Variants in WWTR1 observed in about 807,000 individuals in gnomAD.
WWTR1 encodes the protein WW domain-containing transcription regulator protein 1.
In WWTR1, 13 loss-of-function variants were observed where a neutral mutation model predicts 40.1. The ratio of observed to expected loss-of-function variants is 0.32; its 90% CI spans 0.21 to 0.52. The LOEUF is 0.52. Among genes scored for constraint, WWTR1 ranks in the 20% least tolerant of loss-of-function variants. The probability of loss-of-function intolerance (pLI) is 0.97; values close to 1 mark genes in which losing one functional copy is unlikely to be tolerated. For synonymous variants in WWTR1, 230 were observed against 210.1 expected (o/e 1.09, Z -0.82); for missense variants, 436 against 523.1 (o/e 0.83, Z 1.63).
At chr3:149,709,890 G>A (rs947853745) in intron 5 of WWTR1, among the ~76,000 whole-genome samples, 3 of 152,074 alleles carry the variant, frequency 2.0e-5, no homozygotes, top group Non-Finnish European at 4.4e-5. Flanking sequence ...GGCAACAAGA[G>A]CGAAACTCTA....
intron 3 of WWTR1, among the ~76,000 whole-genome samples, chr3:149,565,205 T>C (rs1737255258): frequency 1.3e-5 from 2 of 152,012 alleles, no homozygotes; most frequent in African/African-American, 4.8e-5. Flanking sequence ...AATAAATAAA[T>C]AAATTTATTT....
At chr3:149,591,168 G>A (rs752136168) in intron 2 of WWTR1, among the ~76,000 whole-genome samples, 5 of 152,132 alleles carry the variant, frequency 3.3e-5, no homozygotes, top group South Asian at 4.2e-4. Flanking sequence ...AAAGCGGAAC[G>A]CCAACTCTCC....
chr3:149,551,299 C>CA (rs5853414), intron 3 of WWTR1, among the ~76,000 whole-genome samples: 42,545 of 134,436 alleles, frequency 0.32, 10,557 homozygotes, highest in East Asian at 0.93. Flanking sequence ...ACTTCGTCTC[C>CA]AAAAAAAAAA....
intron 3 of WWTR1, among the ~76,000 whole-genome samples, chr3:149,562,486 A>T (rs1410481270): frequency 6.6e-6 from 1 of 152,140 alleles, no homozygotes; most frequent in Non-Finnish European, 1.5e-5. Flanking sequence ...TTTGCCAATC[A>T]GCATTTTCTA....
chr3:149,713,790 G>A (rs1354657981), intron 5 of WWTR1, among the ~76,000 whole-genome samples: 2 of 152,202 alleles, frequency 1.3e-5, no homozygotes, highest in Non-Finnish European at 2.9e-5. Flanking sequence ...GAGCGGCTGT[G>A]GGAGTGACAG....
chr3:149,668,607 C>CAAAAAAAAAAA lies in WWTR1; in HGVS notation c.-4+1180_-4+1181insTTTTTTTTTTT, dbSNP rs10522665. ...AGGGCAACAGAGCAAGATTGTGTCT[C>CAAAAAAAAAAA]AAAAAAAACAACAAAAAACTGAGTC... On this transcript the variant is annotated intron_variant, in intron 2 of 7. Transcript: ENST00000465804. Among the ~76,000 whole-genome samples, 33 of 125,476 alleles carry CAAAAAAAAAAA rather than the reference C, an allele frequency of 2.6e-4. 1 individual carries two copies. The highest frequency in any genetic ancestry group is 4.2e-4 in the Non-Finnish European group (25 of 59,512). The allele number at this position is 125,476 out of a possible 152,430, so 82.3% of individuals were successfully genotyped here.
chr3:149,617,088 A>G (rs1019997634), intron 2 of WWTR1, among the ~76,000 whole-genome samples: 2 of 152,178 alleles, frequency 1.3e-5, no homozygotes, highest in Admixed American at 6.5e-5. Flanking sequence ...TAGACATGCT[A>G]TCTCTTAATT....
intron 2 of WWTR1, among the ~76,000 whole-genome samples, chr3:149,618,702 T>C (rs1158789616): frequency 2.6e-5 from 4 of 152,176 alleles, no homozygotes; most frequent in African/African-American, 4.8e-5. Context: ...AACCTTAAAA[T>C]AGGCAGAGTC....
At position 149,585,557 on chromosome 3, in the gene WWTR1, ATT is replaced by A. The variant is rs11309780; in HGVS notation, c.432-12559_432-12558del. ...ATAGTTCCCCCACCAGCACCCCACA[ATT>A]TTTTTTTTTTTGCATTCTAATAATA... On this transcript the variant is annotated intron_variant, in intron 2 of 6. Coordinates refer to ENST00000360632, the MANE Select transcript of WWTR1 (RefSeq NM_015472.6). Among the ~76,000 whole-genome samples, 358 of 148,500 alleles carry A rather than the reference ATT, an allele frequency of 2.4e-3. 5 individuals carry two copies. The highest frequency in any genetic ancestry group is 0.017 in the East Asian group (86 of 5,106).
At chr3:149,574,289 C>T (rs575633172) in intron 2 of WWTR1, among the ~76,000 whole-genome samples, 70 of 152,278 alleles carry the variant, frequency 4.6e-4, no homozygotes, top group Middle Eastern at 3.4e-3. Context: ...ATCCTCCCAC[C>T]TCAGTCTCCC....
At chr3:149,695,068 C>T (rs1714941507) in intron 1 of WWTR1, among the ~76,000 whole-genome samples, 2 of 152,294 alleles carry the variant, frequency 1.3e-5, no homozygotes, top group African/African-American at 4.8e-5. Flanking sequence ...GAAGGACAAA[C>T]TTTGCATGTT....
intron 2 of WWTR1, among the ~76,000 whole-genome samples, chr3:149,639,855 G>A (rs1033651341): frequency 2.6e-5 from 4 of 151,974 alleles, no homozygotes; most frequent in South Asian, 4.1e-4. Context: ...ATACCCAGGC[G>A]TGGTGGTGGG....
intron 2 of WWTR1, among the ~76,000 whole-genome samples, chr3:149,591,264 C>G (rs1007744634): frequency 1.3e-5 from 2 of 152,204 alleles, no homozygotes; most frequent in South Asian, 2.1e-4. Context: ...ATGAGCAATG[C>G]TGGAACCCTA....
At chr3:149,667,222 C>G (rs1297998183) in intron 2 of WWTR1, among the ~76,000 whole-genome samples, 2 of 152,012 alleles carry the variant, frequency 1.3e-5, no homozygotes, top group Non-Finnish European at 2.9e-5. Flanking sequence ...TTAGTTGGAA[C>G]TTGATGCATT....
intron 2 of WWTR1, among the ~76,000 whole-genome samples, chr3:149,614,043 T>C (rs535262132): frequency 6.6e-6 from 1 of 152,342 alleles, no homozygotes; most frequent in African/African-American, 2.4e-5. Context: ...CTTCCAAATG[T>C]GTTCTTGCTT....
At chr3:149,617,260 C>T (rs185960575) in intron 2 of WWTR1, among the ~76,000 whole-genome samples, 26 of 152,276 alleles carry the variant, frequency 1.7e-4, no homozygotes, top group Middle Eastern at 3.4e-3. Context: ...TTCATCTCAT[C>T]TCACTCTCAC....
chr3:149,575,989 G>A (rs1185208035), intron 2 of WWTR1: 3 of 456,738 alleles, frequency 6.6e-6, no homozygotes, highest in Non-Finnish European at 8.8e-6. Context: ...CACATTTAAA[G>A]GAGTTTTGTT....
chr3:149,664,499 C>T (rs79473617), intron 2 of WWTR1, among the ~76,000 whole-genome samples: 4,133 of 152,094 alleles, frequency 0.027, 181 homozygotes, highest in African/African-American at 0.094. Context: ...CTTTTGTTGC[C>T]GTGTTTCACT....
intron 2 of WWTR1, among the ~76,000 whole-genome samples, chr3:149,579,415 C>G (rs1738041690): frequency 6.6e-6 from 1 of 152,196 alleles, no homozygotes; most frequent in Non-Finnish European, 1.5e-5. Context: ...ACTCACTGCT[C>G]CCTGTCTTCA....
Sources: allele counts gnomAD v4.1 joint callset (sites outside exome capture counted in the v4.1 genomes callset), GRCh38; gene constraint gnomAD v4.1.1; transcripts MANE v1.5; gene names NCBI Gene and HGNC (gene_info 2026-07-23, HGNC 2026-07-21).